The following BBX variants were observed in gnomAD, a reference collection of about 807,000 sequenced individuals.
BBX encodes BBX high mobility group box domain containing, also known as HMG box transcription factor BBX.
In BBX, 30 loss-of-function variants were observed where a neutral mutation model predicts 100.2. The ratio of observed to expected loss-of-function variants is 0.30; its 90% CI spans 0.22 to 0.41. The LOEUF (loss-of-function observed/expected upper bound fraction) is 0.41. Among genes scored for constraint, BBX ranks in the 10% least tolerant of loss-of-function variants. The pLI is 1.00. For synonymous variants in BBX, 376 were observed against 388.1 expected (o/e 0.97, Z 0.37); for missense variants, 1,023 against 1,129.8 (o/e 0.91, Z 1.35).
intron 10 of BBX, among the ~76,000 whole-genome samples, chr3:107,757,018 C>T (rs763744700): frequency 1.1e-4 from 17 of 151,878 alleles, no homozygotes; most frequent in African/African-American, 2.9e-4. Context: ...TTTATTTGAA[C>T]GAAGTGATTA....
chr3:107,794,498 G>C (rs1191972209), intron 15 of BBX, among the ~76,000 whole-genome samples: 1 of 151,878 alleles, frequency 6.6e-6, no homozygotes, highest in Admixed American at 6.6e-5. Flanking sequence ...CTTCTTTGCA[G>C]TGTATAAATC....
chr3:107,692,974 T>C (rs1202003932), intron 3 of BBX, among the ~76,000 whole-genome samples: 3 of 148,884 alleles, frequency 2.0e-5, no homozygotes, highest in African/African-American at 7.6e-5. Flanking sequence ...TTTCATGTGT[T>C]TTTTGGCTGC....
At chr3:107,638,830 CACAG>C (rs976062390) in intron 2 of BBX, among the ~76,000 whole-genome samples, 2 of 108,026 alleles carry the variant, frequency 1.9e-5, no homozygotes, top group Non-Finnish European at 3.8e-5. Context: ...CACACACACA[CACAG>C]ACAAATTAGC....
intron 2 of BBX, among the ~76,000 whole-genome samples, chr3:107,626,800 A>G (rs1285240253): frequency 6.6e-5 from 10 of 151,876 alleles, no homozygotes; most frequent in Admixed American, 5.9e-4. Context: ...GATTACAGGC[A>G]CCCACCACCA....
chr3:107,761,849 A>G lies in BBX; in HGVS notation c.906+6171A>G, dbSNP rs565114506. Among the ~76,000 whole-genome samples, 10 of 152,226 alleles carry G rather than the reference A, an allele frequency of 6.6e-5. No individual in the cohort carries two copies. In the South Asian group the frequency reaches 1.7e-3, roughly 25 times the overall value. On this transcript the variant is annotated intron_variant, in intron 10 of 17. Coordinates refer to ENST00000325805, the MANE Select transcript of BBX (RefSeq NM_001142568.3). ...ACCATAGATCCCTCCACTGCTCCCA[A>G]TTATTGGTGATATTTGATCAGTGTA...
intron 2 of BBX, among the ~76,000 whole-genome samples, chr3:107,589,278 A>C (rs571470468): frequency 6.6e-6 from 1 of 152,344 alleles, no homozygotes; most frequent in East Asian, 1.9e-4. Flanking sequence ...GAAGGTCAAT[A>C]AATAAGTGTA....
At chr3:107,598,811 G>A (rs2053848513) in intron 2 of BBX, among the ~76,000 whole-genome samples, 1 of 152,160 alleles carries the variant, frequency 6.6e-6, no homozygotes, top group Non-Finnish European at 1.5e-5. Context: ...TTCTCTTGAG[G>A]ACTGATTAGC....
At chr3:107,785,346 T>C (rs950506589) in intron 13 of BBX, among the ~76,000 whole-genome samples, 3 of 151,966 alleles carry the variant, frequency 2.0e-5, no homozygotes, top group African/African-American at 7.2e-5. Flanking sequence ...GTCAAAGACA[T>C]TCAAGACATT....
chr3:107,555,094 C>A (rs1559805773), intron 2 of BBX, among the ~76,000 whole-genome samples: 1 of 151,984 alleles, frequency 6.6e-6, no homozygotes, highest in Non-Finnish European at 1.5e-5. Flanking sequence ...ACAACAACAA[C>A]AACAACAAAA....
At chr3:107,743,001 T>A (rs1232309898) in intron 7 of BBX, among the ~76,000 whole-genome samples, 1 of 152,212 alleles carries the variant, frequency 6.6e-6, no homozygotes, top group Non-Finnish European at 1.5e-5. Context: ...TGGTCACTAT[T>A]TCTTGTGAAT....
chr3:107,800,013 G>A (rs1034530558), intron 16 of BBX, among the ~76,000 whole-genome samples: 3 of 152,148 alleles, frequency 2.0e-5, no homozygotes, highest in African/African-American at 7.2e-5. Context: ...GGAACTGTTT[G>A]CTTAGTTAGA....
intron 2 of BBX, among the ~76,000 whole-genome samples, chr3:107,532,853 A>G (rs757873825): frequency 1.3e-5 from 2 of 152,212 alleles, no homozygotes; most frequent in Non-Finnish European, 2.9e-5. Flanking sequence ...TTAATTTGCC[A>G]TACGTTTTTG....
intron 3 of BBX, among the ~76,000 whole-genome samples, chr3:107,693,806 G>A (rs989516042): frequency 1.3e-5 from 2 of 150,742 alleles, no homozygotes; most frequent in Non-Finnish European, 3.0e-5. Context: ...CCATTTTCAC[G>A]ATATTGATTC....
chr3:107,740,662 A>C (rs1576587760), intron 7 of BBX, among the ~76,000 whole-genome samples: 1 of 152,000 alleles, frequency 6.6e-6, no homozygotes, highest in African/African-American at 2.4e-5. Context: ...CTTCAGCCAC[A>C]CTGAGAAAGT....
chr3:107,557,296 C>A (rs2050155627), intron 2 of BBX, among the ~76,000 whole-genome samples: 1 of 152,066 alleles, frequency 6.6e-6, no homozygotes, highest in African/African-American at 2.4e-5. Context: ...CATGATTATT[C>A]CATTTTGAGA....
At chr3:107,637,365 A>G (rs149364111) in intron 2 of BBX, among the ~76,000 whole-genome samples, 39 of 152,328 alleles carry the variant, frequency 2.6e-4, no homozygotes, top group African/African-American at 8.2e-4. Flanking sequence ...TACTTTTCCA[A>G]CTGAACGCTT....
rs59614452 is a variant in BBX at position 107,616,005 on chromosome 3, C to CT, written c.-83-29794dup. On this transcript the variant is annotated intron_variant, in intron 2 of 17. Transcript: ENST00000325805. ...AGGAGAAGCACACGCTACTCACCTG[C>CT]TTTTTTTTTTTTTTTTTTTTTTTTT... Among the ~76,000 whole-genome samples the CT allele has an allele frequency of 1.5e-3, 29 of 19,248 alleles. 5 individuals are homozygous for CT. The highest frequency in any genetic ancestry group is 1.7e-3 in the Non-Finnish European group (17 of 10,292). 12.6% of individuals were successfully genotyped at this position (19,248 alleles called of 152,430 possible). A position where few individuals can be genotyped will look rare whatever the true frequency, so the allele number is the denominator to read the frequency against.
At chr3:107,671,025 G>A (rs1416377514) in intron 3 of BBX, among the ~76,000 whole-genome samples, 1 of 151,704 alleles carries the variant, frequency 6.6e-6, no homozygotes, top group Non-Finnish European at 1.5e-5. Context: ...TCAGATTGCT[G>A]TTTTATCCTT....
chr3:107,758,794 A>G (rs2065679038), intron 10 of BBX, among the ~76,000 whole-genome samples: 2 of 152,012 alleles, frequency 1.3e-5, no homozygotes, highest in African/African-American at 4.8e-5. Flanking sequence ...AAAAAGAAAA[A>G]CATAACCTTG....
Sources: allele counts gnomAD v4.1 joint callset (sites outside exome capture counted in the v4.1 genomes callset), GRCh38; gene constraint gnomAD v4.1.1; transcripts MANE v1.5; gene names NCBI Gene and HGNC (gene_info 2026-07-23, HGNC 2026-07-21).